SOS1: variants seen among roughly 807,000 people sequenced by gnomAD.
SOS1 encodes the protein son of sevenless homolog 1.
Under a neutral mutation model 157.6 loss-of-function variants are expected in SOS1, and 25 were observed. That is an observed-to-expected ratio of 0.16 (90% CI 0.12 to 0.22). The LOEUF (loss-of-function observed/expected upper bound fraction) is 0.22, where lower values mean the gene tolerates loss of function less well. Among genes scored for constraint, SOS1 ranks in the 10% least tolerant of loss-of-function variants. The pLI, the probability that SOS1 is intolerant of heterozygous loss-of-function variation, is 1.00. For synonymous variants in SOS1, 528 were observed against 534.0 expected, an observed-to-expected ratio of 0.99 and a Z score of 0.16; for missense variants, 1,237 against 1,599.1, an observed-to-expected ratio of 0.77 and a Z score of 3.86.
At chr2:39,027,965 G>A (rs866751351) in intron 8 of SOS1, among the ~76,000 whole-genome samples, 1 of 151,862 alleles carries the variant, frequency 6.6e-6, no homozygotes, top group South Asian at 2.1e-4. Context: ...AGAGTAGCTG[G>A]GATTACAGCT....
intron 1 of SOS1, among the ~76,000 whole-genome samples, chr2:39,095,616 G>C (rs1229942192): frequency 2.0e-5 from 3 of 152,100 alleles, no homozygotes; most frequent in Non-Finnish European, 4.4e-5. Flanking sequence ...ACTCTAATGA[G>C]TTCTCTATTC....
intron 1 of SOS1, among the ~76,000 whole-genome samples, chr2:39,104,018 G>C (rs1018056568): frequency 6.6e-6 from 1 of 152,126 alleles, no homozygotes; most frequent in Non-Finnish European, 1.5e-5. Context: ...AGTGGCTCAC[G>C]CCTGTAATCC....
At chr2:39,020,962 T>C (rs1381596670) in intron 10 of SOS1, among the ~76,000 whole-genome samples, 1 of 151,152 alleles carries the variant, frequency 6.6e-6, no homozygotes, top group Non-Finnish European at 1.5e-5. Context: ...GAAGGAATTT[T>C]TTAAAAACAT....
At chr2:39,053,249 T>C (rs1240815604) in intron 5 of SOS1, among the ~76,000 whole-genome samples, 1 of 152,210 alleles carries the variant, frequency 6.6e-6, no homozygotes, top group Admixed American at 6.5e-5. Flanking sequence ...CCACAAGTAG[T>C]TGCTCCATAC....
At chr2:39,078,782 C>G (rs1672104306) in intron 1 of SOS1, among the ~76,000 whole-genome samples, 1 of 152,098 alleles carries the variant, frequency 6.6e-6, no homozygotes, top group African/African-American at 2.4e-5. Context: ...TGGGGACTGG[C>G]CGGGCGCGGT....
At chr2:39,040,903 T>C (rs1380985892) in intron 6 of SOS1, among the ~76,000 whole-genome samples, 2 of 152,204 alleles carry the variant, frequency 1.3e-5, no homozygotes, top group African/African-American at 2.4e-5. Flanking sequence ...GTTTAACTTT[T>C]TGAGAAACCA....
At chr2:39,102,009 C>G (rs933100680) in intron 1 of SOS1, among the ~76,000 whole-genome samples, 3 of 149,142 alleles carry the variant, frequency 2.0e-5, no homozygotes, top group African/African-American at 7.4e-5. Context: ...AGTTCGAGAC[C>G]AGCCTGACCA....
At chr2:39,004,153 A>T (rs552092718) in intron 17 of SOS1, among the ~76,000 whole-genome samples, 24 of 151,494 alleles carry the variant, frequency 1.6e-4, no homozygotes, top group Non-Finnish European at 2.6e-4. Context: ...CGGTGGCTCA[A>T]GCCTGTAATC....
chr2:39,006,267 A>C (rs992398371), intron 17 of SOS1, 145 bp downstream of exon 17: 30 of 658,046 alleles, frequency 4.6e-5, no homozygotes, highest in Middle Eastern at 4.1e-4. Context: ...TAATGAGAAA[A>C]ATTCTAAAGG....
At chr2:38,992,773 A>G (rs1185320332) in intron 20 of SOS1, 1 of 152,208 alleles carries the variant, frequency 6.6e-6, no homozygotes. Context: ...CAAACAGTTA[A>G]ATGGGTCAGA....
chr2:39,019,108 C>T (rs1157549102), intron 10 of SOS1, among the ~76,000 whole-genome samples: 2 of 151,616 alleles, frequency 1.3e-5, no homozygotes, highest in African/African-American at 2.4e-5. Context: ...TTAAAGAAAA[C>T]GATCTTCTGG....
chr2:39,105,277 T>A (rs961583435), intron 1 of SOS1, among the ~76,000 whole-genome samples: 2 of 151,992 alleles, frequency 1.3e-5, no homozygotes, highest in African/African-American at 2.4e-5. Flanking sequence ...CATTTTTTTT[T>A]AAATCCTGAA....
chr2:39,006,388 A>G (rs1332491901), intron 17 of SOS1, 24 bp downstream of exon 17: 5 of 1,093,808 alleles, frequency 4.6e-6, no homozygotes, highest in Non-Finnish European at 7.1e-6. Flanking sequence ...GAAATGCAAT[A>G]AAAATTCAGA....
intron 4 of SOS1, 46 bp from the exon 5 acceptor site, chr2:39,054,869 T>C: frequency 9.9e-7 from 1 of 1,013,522 alleles, no homozygotes; most frequent in South Asian, 1.3e-5. Context: ...TATGAAGCTT[T>C]CGTAGAATTT....
At position 39,035,299 on chromosome 2, in the gene SOS1, T is replaced by C. The variant is rs1221600913; in HGVS notation, c.987A>G (p.Glu329=). 1.2e-6 allele frequency: 2 copies of C among 1,613,556 alleles called. No individual in the cohort carries two copies. Among genetic ancestry groups the C allele is most frequent in the Admixed American group, 1.7e-5 (1 of 60,002 alleles). Residue 329 remains glutamate, a synonymous_variant, in exon 8 of 23, where the codon GAA becomes GAG. Transcript: ENST00000402219. ...CATATTGAACAGCTTCTTTGAAACCTTCGCCTATTGACTGGAAAAAAAAGT... is the reference window on the plus strand; with the variant it reads ...CATATTGAACAGCTTCTTTGAAACCCTCGCCTATTGACTGGAAAAAAAAGT... ...GAALYLQSIG[E]GFKEAVQYVL...
intron 3 of SOS1, among the ~76,000 whole-genome samples, chr2:39,057,127 A>G (rs1671240675): frequency 6.6e-6 from 1 of 152,166 alleles, no homozygotes; most frequent in African/African-American, 2.4e-5. Flanking sequence ...GATAATCCCT[A>G]ACCTATAAAG....
intron 6 of SOS1, 149 bp from the exon 7 acceptor site, chr2:39,035,649 TAGAAG>T (rs1282537183): frequency 4.6e-6 from 3 of 654,922 alleles, no homozygotes; most frequent in African/African-American, 1.8e-5. Flanking sequence ...ATAATTTTAA[TAGAAG>T]AGATCCCAAT....
At chr2:39,035,061 G>A in intron 8 of SOS1, 151 bp downstream of exon 8, 1 of 662,650 alleles carries the variant, frequency 1.5e-6, no homozygotes, top group Non-Finnish European at 2.7e-6. Context: ...CTACTCTTTT[G>A]CAGACTGATT....
intron 1 of SOS1, among the ~76,000 whole-genome samples, chr2:39,072,497 A>G (rs964208927): frequency 1.3e-5 from 2 of 152,228 alleles, no homozygotes; most frequent in African/African-American, 4.8e-5. Flanking sequence ...AGCAGTTAGA[A>G]CTAAAACAGA....
Sources: allele counts gnomAD v4.1 joint callset (sites outside exome capture counted in the v4.1 genomes callset), GRCh38; gene constraint gnomAD v4.1.1; transcripts MANE v1.5; gene names NCBI Gene and HGNC (gene_info 2026-07-23, HGNC 2026-07-21).